OPHN1: variants seen among roughly 807,000 people sequenced by gnomAD.
OPHN1 encodes the protein oligophrenin 1, also known as oligophrenin-1.
In OPHN1, 11 loss-of-function variants were observed where a neutral mutation model predicts 60.7. That is an observed-to-expected ratio of 0.18 (90% CI 0.11 to 0.30). The LOEUF (loss-of-function observed/expected upper bound fraction) is 0.30, where lower values mean the gene tolerates loss of function less well. OPHN1 is among the 10% of genes least tolerant of loss of function. The pLI is 1.00. For missense variants in OPHN1, 449 were observed against 611.0 expected (o/e 0.73, Z 2.80); for synonymous variants, 226 against 222.6 (o/e 1.02, Z -0.14).
At chrX:68,225,180 G>A (rs1052442042) in intron 6 of OPHN1, among the ~76,000 whole-genome samples, 2 of 111,785 alleles carry the variant, frequency 1.8e-5, no homozygotes, top group Admixed American at 9.5e-5. Context: ...GGGGAGGGTC[G>A]TCCGCCATTA....
At chrX:68,303,607 C>A (rs1209410774) in intron 2 of OPHN1, among the ~76,000 whole-genome samples, 1 of 107,456 alleles carries the variant, frequency 9.3e-6, no homozygotes, top group Non-Finnish European at 1.9e-5. Flanking sequence ...GAGATCACGC[C>A]ATTGCACTCC....
chrX:68,222,883 T>C (rs1196579173), intron 6 of OPHN1, among the ~76,000 whole-genome samples: 1 of 96,917 alleles, frequency 1.0e-5, no homozygotes, highest in African/African-American at 3.8e-5. Flanking sequence ...CATATGTAAC[T>C]AACCTGCACA....
chrX:68,357,726 T>C (rs1042373066), intron 2 of OPHN1, among the ~76,000 whole-genome samples: 1 of 110,998 alleles, frequency 9.0e-6, no homozygotes, highest in South Asian at 3.8e-4. Context: ...TGTGCATATG[T>C]CTTTATAGCA....
At chrX:68,165,780 T>C (rs1035727290) in intron 15 of OPHN1, among the ~76,000 whole-genome samples, 4 of 112,271 alleles carry the variant, frequency 3.6e-5, no homozygotes, top group Non-Finnish European at 7.5e-5. Context: ...AAATGAGGTA[T>C]GCCAGAATAA....
intron 2 of OPHN1, among the ~76,000 whole-genome samples, chrX:68,348,403 C>A (rs1390245085): frequency 9.0e-6 from 1 of 110,637 alleles, no homozygotes; most frequent in Admixed American, 9.8e-5. Flanking sequence ...ACAGCCAGAG[C>A]AAGAAGACCA....
intron 15 of OPHN1, among the ~76,000 whole-genome samples, chrX:68,170,375 G>A (rs1220096682): frequency 2.8e-5 from 3 of 107,230 alleles, no homozygotes; most frequent in Admixed American, 1.0e-4. Flanking sequence ...TCAGTGTGGC[G>A]ATTCCTCAGG....
intron 3 of OPHN1, among the ~76,000 whole-genome samples, chrX:68,291,268 A>T (rs1306653637): frequency 8.9e-6 from 1 of 112,134 alleles, no homozygotes; most frequent in African/African-American, 3.2e-5. Flanking sequence ...GAGAAAGAGT[A>T]AATGGCAGAC....
chrX:68,289,539 T>C (rs1003670556), intron 3 of OPHN1, among the ~76,000 whole-genome samples: 1 of 112,069 alleles, frequency 8.9e-6, no homozygotes, highest in Admixed American at 9.5e-5. Flanking sequence ...AATTCGTATC[T>C]GGGAAACCAT....
In OPHN1 at chrX:68,213,956, TC is replaced by T; in HGVS notation, c.502del (p.Asp168ThrfsTer46). On this transcript the variant is annotated frameshift_variant, in exon 7 of 25. Transcript: ENST00000355520. LOFTEE classifies it high-confidence loss of function. ...CTCGAAAAAATTGTGCCTCTCCTTG[TC>T]CACCTGTAGGTCTGCCTGTAGAAGA... ...SQLQEADLQV[D>X]KERHNFFESS... 8.5e-7 allele frequency: 1 copy of T among 1,177,151 alleles called. No individual in the cohort carries two copies. Among genetic ancestry groups the T allele is most frequent in the Non-Finnish European group, 1.2e-6 (1 of 865,361 alleles).
chrX:68,421,606 C>T (rs2078826675), intron 2 of OPHN1, among the ~76,000 whole-genome samples: 1 of 111,586 alleles, frequency 9.0e-6, no homozygotes, highest in Admixed American at 9.6e-5. Context: ...TTGCCACATA[C>T]ATAATATATA....
chrX:68,242,622 A>G (rs1409208319), intron 5 of OPHN1, among the ~76,000 whole-genome samples: 5 of 111,418 alleles, frequency 4.5e-5, no homozygotes, highest in Non-Finnish European at 9.4e-5. Context: ...TTGGTGACCA[A>G]TGTTCCCTGT....
At chrX:68,390,045 CA>C (rs1283829932) in intron 2 of OPHN1, among the ~76,000 whole-genome samples, 1 of 110,518 alleles carries the variant, frequency 9.0e-6, no homozygotes, top group Non-Finnish European at 1.9e-5. Flanking sequence ...AAGTGTAGAG[CA>C]AAAGGGGGAA....
At chrX:68,306,011 G>A (rs1273825108) in intron 2 of OPHN1, among the ~76,000 whole-genome samples, 1 of 111,819 alleles carries the variant, frequency 8.9e-6, no homozygotes, top group African/African-American at 3.2e-5. Flanking sequence ...ATAAAACAAT[G>A]GAAATAATTT....
chrX:68,289,998 G>A (rs183648924), intron 3 of OPHN1, among the ~76,000 whole-genome samples: 29 of 108,573 alleles, frequency 2.7e-4, no homozygotes, highest in Admixed American at 1.8e-3. Flanking sequence ...AAATTGTTTC[G>A]ACCCCCAAAA....
chrX:68,162,225 C>T (rs2077337925), intron 15 of OPHN1, among the ~76,000 whole-genome samples: 2 of 110,236 alleles, frequency 1.8e-5, no homozygotes, highest in African/African-American at 6.6e-5. Context: ...AACAGGAAAG[C>T]AATATGATCT....
intron 2 of OPHN1, among the ~76,000 whole-genome samples, chrX:68,377,332 G>C (rs751168813): frequency 1.8e-5 from 2 of 109,189 alleles, no homozygotes; most frequent in Non-Finnish European, 3.8e-5. Context: ...TCCTGACCTC[G>C]TGATCCGCCC....
At chrX:68,200,577 C>T (rs962575023) in intron 11 of OPHN1, among the ~76,000 whole-genome samples, 3 of 111,852 alleles carry the variant, frequency 2.7e-5, no homozygotes, top group Non-Finnish European at 5.6e-5. Flanking sequence ...TCAGAGCCAC[C>T]TCAATTGGGA....
chrX:68,307,034 C>A (rs2078148576), intron 2 of OPHN1, among the ~76,000 whole-genome samples: 1 of 111,612 alleles, frequency 9.0e-6, no homozygotes, highest in South Asian at 3.7e-4. Context: ...CCAAAATCCA[C>A]TTTAATATAT....
At chrX:68,233,307 G>A (rs1218356676) in intron 6 of OPHN1, among the ~76,000 whole-genome samples, 1 of 111,914 alleles carries the variant, frequency 8.9e-6, no homozygotes, top group Non-Finnish European at 1.9e-5. Flanking sequence ...ATCAGGAGAT[G>A]AGCTCCAGCT....
Sources: gnomAD v4.1 joint callset for allele counts (sites outside exome capture counted in the v4.1 genomes callset) on GRCh38, gnomAD v4.1.1 for gene constraint, MANE v1.5 for transcripts, NCBI Gene and HGNC (gene_info 2026-07-23, HGNC 2026-07-21) for gene names.